The following HPS5 variants were observed in gnomAD, a reference collection of about 807,000 sequenced individuals.
HPS5 encodes the protein BLOC-2 complex member HPS5.
Under a neutral mutation model 128.0 loss-of-function variants are expected in HPS5, and 83 were observed. The observed-to-expected ratio is 0.65, with a 90% CI of 0.54 to 0.78. The LOEUF is 0.78. Among genes scored for constraint, HPS5 ranks in the 30% least tolerant of loss-of-function variants. HPS5 has a pLI of 0.00. For synonymous variants in HPS5, 475 were observed against 470.2 expected, an observed-to-expected ratio of 1.01 and a Z score of -0.13; for missense variants, 1,281 against 1,326.2, an observed-to-expected ratio of 0.97 and a Z score of 0.53.
chr11:18,292,557 T>C (rs1010928836), intron 15 of HPS5, among the ~76,000 whole-genome samples: 2 of 152,222 alleles, frequency 1.3e-5, no homozygotes, highest in Non-Finnish European at 2.9e-5. Context: ...GGACCACTAC[T>C]GATGGACTCA....
chr11:18,311,667 C>T (rs1052263230), intron 3 of HPS5: 26 of 556,174 alleles, frequency 4.7e-5, no homozygotes, highest in Middle Eastern at 1.0e-3. Flanking sequence ...CTCACCACCA[C>T]GCCCAGCTAA....
intron 9 of HPS5, 83 bp downstream of exon 9, chr11:18,300,745 T>C: frequency 1.5e-6 from 1 of 680,224 alleles, no homozygotes; most frequent in South Asian, 1.7e-5. Flanking sequence ...TTTTTCAACT[T>C]CTTAAATTAC....
At chr11:18,320,272 T>C (rs149365863) in intron 1 of HPS5, among the ~76,000 whole-genome samples, 202 of 152,296 alleles carry the variant, frequency 1.3e-3, no homozygotes, top group African/African-American at 4.7e-3. Context: ...TATCCAAACA[T>C]ACCCAGCTTT....
chr11:18,292,954 G>C lies in HPS5; in HGVS notation c.1807C>G (p.Pro603Ala). The part of the protein sequence containing the change: ...DTEEEKEVTS[P>A]PPEEDRFQEL... ...TGGAACCTGTCTTCTTCTGGAGGTG[G>C]ACTAGTTACCTCTTTTTCCTCCCTA... Residue 603 changes from proline to alanine, a missense_variant, in exon 15 of 23, where the codon CCA becomes GCA. Transcript: ENST00000349215. The C allele has an allele frequency of 6.2e-7, 1 of 1,613,580 alleles. No individual in the cohort carries two copies. Among genetic ancestry groups the C allele is most frequent in the Non-Finnish European group, 8.5e-7 (1 of 1,179,562 alleles).
chr11:18,309,355 A>C (rs1347728196), intron 5 of HPS5, among the ~76,000 whole-genome samples: 1 of 152,250 alleles, frequency 6.6e-6, no homozygotes, highest in African/African-American at 2.4e-5. Context: ...CAAGGTTTAG[A>C]ACATGTTAGT....
At chr11:18,281,013 G>A (rs949944780) in intron 22 of HPS5, among the ~76,000 whole-genome samples, 1 of 150,796 alleles carries the variant, frequency 6.6e-6, no homozygotes, top group African/African-American at 2.4e-5. Context: ...AAATTGTTAA[G>A]ATGATAAATT....
intron 14 of HPS5, among the ~76,000 whole-genome samples, chr11:18,294,721 C>A (rs1260028617): frequency 6.6e-6 from 1 of 152,074 alleles, no homozygotes; most frequent in Non-Finnish European, 1.5e-5. Flanking sequence ...TTGAAAAGGA[C>A]ATAGTCTATG....
In HPS5 at chr11:18,308,897, C is replaced by G. The variant is rs202217921; in HGVS notation, c.611+49G>C. ...GGGGTAGATAACTTCTAAGTTCCTCCCAGTTCTAAAATTCTGCATTTCTGA... is the reference window on the plus strand; with the variant it reads ...GGGGTAGATAACTTCTAAGTTCCTCGCAGTTCTAAAATTCTGCATTTCTGA... On this transcript the variant is annotated intron_variant, in intron 6 of 22. Coordinates refer to ENST00000349215, the MANE Select transcript of HPS5 (RefSeq NM_181507.2). 5.6e-6 allele frequency: 9 copies of G among 1,594,596 alleles called. No homozygotes were observed. The African/African-American group carries it at 8.0e-5, about 14-fold the overall frequency.
At chr11:18,289,893 T>C (rs1359013033) in intron 16 of HPS5, among the ~76,000 whole-genome samples, 6 of 152,246 alleles carry the variant, frequency 3.9e-5, no homozygotes, top group Non-Finnish European at 7.3e-5. Flanking sequence ...CAGGATGACA[T>C]ATGCGACCTT....
At chr11:18,307,084 A>C (rs1032329898) in intron 6 of HPS5, among the ~76,000 whole-genome samples, 3 of 152,226 alleles carry the variant, frequency 2.0e-5, no homozygotes, top group Non-Finnish European at 4.4e-5. Context: ...AGCACTTATG[A>C]CATGATATAT....
chr11:18,296,113 G>A lies in HPS5; in HGVS notation c.1520C>T (p.Ser507Phe), dbSNP rs763705345. The A allele has an allele frequency of 6.2e-7, 1 of 1,613,150 alleles. No individual in the cohort carries two copies. The highest frequency in any genetic ancestry group is 1.3e-5 in the African/African-American group (1 of 74,866). The part of the protein sequence containing the change: ...CGSHGNEDNV[S>F]HAPVMFETDK... ...TGTCTCAAACATCACTGGAGCATGA[G>A]AAACATTGTCTAATGAATGGAATCA... The change falls in exon 13 of 23, where the codon TCT becomes TTT. Residue 507 changes from serine to phenylalanine, a missense_variant. Ser to Phe is a radical substitution (Grantham distance 155). Transcript: ENST00000349215.
chr11:18,306,487 A>G (rs1249439279), intron 6 of HPS5, 140 bp from the exon 7 acceptor site: 10 of 638,796 alleles, frequency 1.6e-5, no homozygotes, highest in Non-Finnish European at 2.8e-5. Context: ...ACTGAAAAAA[A>G]CAATAGAATG....
intron 8 of HPS5, among the ~76,000 whole-genome samples, chr11:18,304,006 A>G (rs73430894): frequency 0.14 from 21,178 of 152,146 alleles, 1,572 homozygotes; most frequent in African/African-American, 0.19. Context: ...TAAAGCCCTC[A>G]TGGAGCTTAC....
chr11:18,320,060 T>C (rs973892220), intron 1 of HPS5, among the ~76,000 whole-genome samples: 1 of 151,894 alleles, frequency 6.6e-6, no homozygotes, highest in South Asian at 2.1e-4. Context: ...TATAATATAA[T>C]GCGGGGGTGT....
At chr11:18,293,126 A>T in intron 14 of HPS5, 150 bp from the exon 15 acceptor site, 1 of 706,978 alleles carries the variant, frequency 1.4e-6, no homozygotes, top group South Asian at 1.5e-5. Flanking sequence ...GGTTCAAGCA[A>T]TTCTCCCTGC....
At position 18,296,823 on chromosome 11, in the gene HPS5, C is replaced by G; in HGVS notation, c.1485G>C (p.Gln495His). The change falls in exon 12 of 23, where the codon CAG becomes CAC. Residue 495 changes from glutamine to histidine, a missense_variant. By Grantham distance (24) the Gln-to-His change is conservative. Coordinates refer to ENST00000349215, the MANE Select transcript of HPS5 (RefSeq NM_181507.2). The stretch of plus-strand genomic sequence containing the variant: ...CTTCATTTCCGTGTGAGCCACAACA[C>G]TGATCTGGCAGGTCCTCTTCCTGCT... Reference protein sequence around the residue: ...TSQQEEDLPDQCCGSHGNEDN... With the variant: ...TSQQEEDLPDHCCGSHGNEDN... 2 of 1,614,138 alleles carry G rather than the reference C, an allele frequency of 1.2e-6. No individual in the cohort carries two copies. The highest frequency in any genetic ancestry group is 1.7e-6 in the Non-Finnish European group (2 of 1,180,004).
In HPS5 at chr11:18,293,032, C is replaced by CTT. The variant is rs10665418; in HGVS notation, c.1785-58_1785-57dup. The CTT allele has an allele frequency of 0.7, 905,479 of 1,291,590 alleles. 324,349 individuals are homozygous for CTT. Among genetic ancestry groups the CTT allele is most frequent in the East Asian group, 0.96 (40,821 of 42,618 alleles). 80.0% of individuals were successfully genotyped at this position (1,291,590 alleles called of 1,614,324 possible). A position where few individuals can be genotyped will look rare whatever the true frequency, so the allele number is the denominator to read the frequency against. ...TCACAAGAGTTAGAGGGGATCAGAG[C>CTT]TTTTTTTGAGACAGGGTCTCACTCT... On this transcript the variant is annotated intron_variant, in intron 14 of 22. Transcript: ENST00000349215.
Position 18,291,803 on chromosome 11 carries a change from C to G in HPS5, c.2079G>C (p.Arg693Ser). ...CAGATTCTTCATTGCCTAAAGAGTCCCTTTTTTCTTTTTCATTATCTTCAT... is the reference window on the plus strand; with the variant it reads ...CAGATTCTTCATTGCCTAAAGAGTCGCTTTTTTCTTTTTCATTATCTTCAT... ...ILDEDNEKEK[R>S]DSLGNEESVD... The change falls in exon 16 of 23, where the codon AGG becomes AGC. Residue 693 changes from arginine (R) to serine (S), a missense_variant. Transcript: ENST00000349215. 6.2e-7 allele frequency: 1 copy of G among 1,613,382 alleles called. No individual in the cohort carries two copies. The highest frequency in any genetic ancestry group is 8.5e-7 in the Non-Finnish European group (1 of 1,179,618).
intron 16 of HPS5, among the ~76,000 whole-genome samples, chr11:18,289,679 A>C (rs975059032): frequency 6.6e-6 from 1 of 152,262 alleles, no homozygotes; most frequent in Non-Finnish European, 1.5e-5. Context: ...TCTTTAAGTA[A>C]GATGACATAA....
Sources: gnomAD v4.1 joint callset for allele counts (sites outside exome capture counted in the v4.1 genomes callset) on GRCh38, gnomAD v4.1.1 for gene constraint, MANE v1.5 for transcripts, NCBI Gene and HGNC (gene_info 2026-07-23, HGNC 2026-07-21) for gene names.